The following BMP1 variants were observed in gnomAD, a reference collection of about 807,000 sequenced individuals.
BMP1 encodes bone morphogenetic protein 1.
Under a neutral mutation model 116.8 loss-of-function variants are expected in BMP1, and 63 were observed. The observed-to-expected ratio is 0.54, with a 90% confidence interval of 0.44 to 0.67. BMP1 has a LOEUF of 0.67. BMP1 is among the 30% of genes least tolerant of loss of function. BMP1 has a pLI of 0.00. For synonymous variants in BMP1, 536 were observed against 533.4 expected, an observed-to-expected ratio of 1.00 and a Z score of -0.07; for missense variants, 1,183 against 1,358.9, an observed-to-expected ratio of 0.87 and a Z score of 2.04.
chr8:22,197,174 C>T (rs2131888222), intron 14 of BMP1, 66 bp from the exon 15 acceptor site: 22 of 1,559,786 alleles, frequency 1.4e-5, no homozygotes, highest in South Asian at 3.6e-5. Flanking sequence ...GAGAGCTTCC[C>T]GAGGGCAGGA....
intron 9 of BMP1, among the ~76,000 whole-genome samples, chr8:22,193,045 G>A (rs911727789): frequency 6.6e-6 from 1 of 152,172 alleles, no homozygotes; most frequent in Non-Finnish European, 1.5e-5. Context: ...TTCCAAGATG[G>A]GAGTTTCTTT....
At chr8:22,168,867 G>A (rs1193704686) in intron 1 of BMP1, among the ~76,000 whole-genome samples, 2 of 152,164 alleles carry the variant, frequency 1.3e-5, no homozygotes, top group African/African-American at 2.4e-5. Context: ...TCCCCAGGAA[G>A]AAGGGATTCT....
Position 22,194,911 on chromosome 8 carries a change from T to C in BMP1, c.1631T>C (p.Phe544Ser). ...AACAAAGCGGGCTTTGCCGTCAACT[T>C]TTTCAAAGGTGCCTCCTCTGTTACT... ...SINKAGFAVNFFKEVDECSRP... is the reference protein window; with the variant it reads ...SINKAGFAVNSFKEVDECSRP... The change falls in exon 12 of 20, where the codon TTT becomes TCT. Residue 544 changes from phenylalanine (F) to serine (S), a missense_variant. By Grantham distance (155) the Phe-to-Ser change is radical (BLOSUM62 -2). Coordinates refer to ENST00000306385, the MANE Select transcript of BMP1 (RefSeq NM_006129.5). The surrounding 1 kb of genome is among the most constrained non-coding windows in gnomAD (Gnocchi z 4.5). 1 of 1,607,322 alleles carries C rather than the reference T, an allele frequency of 6.2e-7. No individual in the cohort carries two copies. The highest frequency in any genetic ancestry group is 1.1e-5 in the South Asian group (1 of 89,822).
chr8:22,195,617 G>A (rs1043092594), intron 13 of BMP1, 30 bp downstream of exon 13: 3 of 1,585,010 alleles, frequency 1.9e-6, no homozygotes, highest in Admixed American at 1.9e-5. Context: ...CTCTGACCCT[G>A]TTCTTTCCCT....
rs756958872 is a variant in BMP1 at position 22,194,783 on chromosome 8, G to C, written c.1503G>C (p.Glu501Asp). 2 of 1,613,852 alleles carry C rather than the reference G, an allele frequency of 1.2e-6. No homozygotes were observed. The highest frequency in any genetic ancestry group is 2.7e-5 in the African/African-American group (2 of 74,924). ...TGGAGGTGCGCGACGGGCACAGTGA[G>C]AGCAGCACCCTCATCGGGCGCTACT... The part of the protein sequence containing the change: ...DYLEVRDGHS[E>D]SSTLIGRYCG... The change falls in exon 12 of 20, where the codon GAG becomes GAC. Residue 501 changes from glutamate to aspartate, a missense_variant. Around this residue, in one of 4 missense-constraint regions of BMP1, gnomAD observed 956 missense variants for 1,135.2 expected, o/e 0.84. Coordinates refer to ENST00000306385, the MANE Select transcript of BMP1 (RefSeq NM_006129.5). This position sits in a 1 kb window ranked among gnomAD's most constrained non-coding sequence, Gnocchi z 4.5.
chr8:22,177,145 T>C lies in BMP1; in HGVS notation c.730+6T>C, dbSNP rs754163448. The C allele has an allele frequency of 3.8e-6, 6 of 1,594,058 alleles. No individual in the cohort carries two copies. In the Middle Eastern group the frequency reaches 8.4e-4, roughly 222 times the overall value. ...TCGTGAGAACATCCAGCCAGGTAGG[T>C]ACCTGCCCCTCGGTGCGGCCTTGGT... On this transcript the variant is annotated splice_donor_region_variant and intron_variant, in intron 5 of 19. Coordinates refer to ENST00000306385, the MANE Select transcript of BMP1 (RefSeq NM_006129.5).
intron 15 of BMP1, among the ~76,000 whole-genome samples, chr8:22,197,734 G>T (rs1235801209): frequency 6.6e-6 from 1 of 152,250 alleles, no homozygotes; most frequent in Non-Finnish European, 1.5e-5. Context: ...CAAGGCCTGG[G>T]AGAGGGCAGG....
intron 8 of BMP1, among the ~76,000 whole-genome samples, chr8:22,181,621 C>T (rs1828624295): frequency 6.6e-6 from 1 of 151,516 alleles, no homozygotes; most frequent in Non-Finnish European, 1.5e-5. Flanking sequence ...GGCGCGATCT[C>T]AGCTCACTGC....
intron 16 of BMP1, among the ~76,000 whole-genome samples, chr8:22,205,985 G>C (rs553845478): frequency 1.2e-4 from 19 of 152,284 alleles, no homozygotes; most frequent in African/African-American, 4.6e-4. Flanking sequence ...AGGGTAGCAG[G>C]AGTGGGGGTG....
chr8:22,189,714 G>A (rs2131873450), intron 8 of BMP1, among the ~76,000 whole-genome samples: 1 of 152,004 alleles, frequency 6.6e-6, no homozygotes, highest in African/African-American at 2.4e-5. Context: ...CGATCCTCTT[G>A]CCTCAGCCTC....
chr8:22,181,727 C>A (rs1828628403), intron 8 of BMP1, among the ~76,000 whole-genome samples: 1 of 151,904 alleles, frequency 6.6e-6, no homozygotes, highest in South Asian at 2.1e-4. Flanking sequence ...AATTTTTTTT[C>A]TATTTTTGGT....
In BMP1 at chr8:22,211,635, G is replaced by A; in HGVS notation, c.2868G>A (p.Val956=). Residue 956 remains valine, a synonymous_variant, in exon 20 of 20, where the codon GTG becomes GTA. Coordinates refer to ENST00000306385, the MANE Select transcript of BMP1 (RefSeq NM_006129.5). ...EVYSAGDSVL[V]KFHSDDTITK... ...ACTCGGCGGGAGATTCTGTCCTGGT[G>A]AAGTTCCACTCGGATGACACCATCA... The A allele has an allele frequency of 6.2e-7, 1 of 1,614,190 alleles. No homozygotes were observed. The highest frequency in any genetic ancestry group is 2.2e-5 in the East Asian group (1 of 44,880).
rs900922039 is a variant in BMP1 at position 22,179,351 on chromosome 8, G to T, written c.837-354G>T. Among the ~76,000 whole-genome samples the T allele has an allele frequency of 6.6e-6, 1 of 152,240 alleles. No homozygotes were observed. Among genetic ancestry groups the T allele is most frequent in the Admixed American group, 6.5e-5 (1 of 15,292 alleles). The stretch of plus-strand genomic sequence containing the variant: ...GCTGCAGAAGCAGGGGCCCAGTGGG[G>T]CTGGAGAGAGATGACCCGCTAGGGG... On this transcript the variant is annotated intron_variant, in intron 6 of 19. Coordinates refer to ENST00000306385, the MANE Select transcript of BMP1 (RefSeq NM_006129.5). This position sits in a 1 kb window ranked among gnomAD's most constrained non-coding sequence, Gnocchi z 4.6.
Position 22,180,487 on chromosome 8 carries a change from C to A in BMP1, c.1077+4C>A, listed in dbSNP as rs778155776. ...CTCTGTCACACCCGGGGAGAAGGTA[C>A]GTGTGGGCTCAGCCTCTGAGCCTCC... is the stretch of plus-strand genomic sequence containing the variant. On this transcript the variant is annotated splice_donor_region_variant and intron_variant, in intron 8 of 19. Coordinates refer to ENST00000306385, the MANE Select transcript of BMP1 (RefSeq NM_006129.5). 3 of 1,612,422 alleles carry A rather than the reference C, an allele frequency of 1.9e-6. No homozygotes were observed. The East Asian group carries it at 6.7e-5, about 36-fold the overall frequency.
chr8:22,198,128 T>C (rs1829144971), intron 15 of BMP1, among the ~76,000 whole-genome samples: 1 of 152,224 alleles, frequency 6.6e-6, no homozygotes, highest in African/African-American at 2.4e-5. Context: ...GAGGCTGTAG[T>C]GAACGATGAT....
intron 4 of BMP1, 79 bp from the exon 5 acceptor site, chr8:22,176,882 C>A: frequency 7.6e-7 from 1 of 1,317,026 alleles, no homozygotes; most frequent in Non-Finnish European, 1.0e-6. Context: ...CGCCCCGCCC[C>A]CGGCAGCCTG....
chr8:22,194,736 G>A lies in BMP1; in HGVS notation c.1456G>A (p.Asp486Asn), dbSNP rs762194330. Residue 486 changes from aspartate (D) to asparagine (N), a missense_variant, in exon 12 of 20, where the codon GAC becomes AAC. Around this residue, in one of 4 missense-constraint regions of BMP1, gnomAD observed 956 missense variants for 1,135.2 expected, o/e 0.84. Transcript: ENST00000306385. This position sits in a 1 kb window ranked among gnomAD's most constrained non-coding sequence, Gnocchi z 4.5. ...CCTCGACCCCTAGATTGAGCGCCAC[G>A]ACAGCTGTGCCTACGACTATCTGGA... ...TFQSFEIERHDSCAYDYLEVR... is the reference protein window; with the variant it reads ...TFQSFEIERHNSCAYDYLEVR... 3.6e-5 allele frequency: 57 copies of A among 1,605,534 alleles called. No homozygotes were observed. The highest frequency in any genetic ancestry group is 5.1e-5 in the Admixed American group (3 of 58,922).
At chr8:22,210,468 T>TCTCTCTCTCTCTCTCTCTCACACACA (rs10664439) in intron 19 of BMP1, among the ~76,000 whole-genome samples, 1 of 135,500 alleles carries the variant, frequency 7.4e-6, no homozygotes, top group Non-Finnish European at 1.5e-5. Flanking sequence ...TCTCTCTCTC[T>TCTCTCTCTCTCTCTCTCTCACACACA]CACACACATA....
At position 22,207,374 on chromosome 8, in the gene BMP1, A is replaced by G. The variant is rs751277235; in HGVS notation, c.2433A>G (p.Arg811=). The change falls in exon 18 of 20, where the codon CGA becomes CGG. Residue 811 remains arginine, a synonymous_variant. Transcript: ENST00000306385. ...AYDHLEVFDG[R]DAKAPVLGRF... ...ACCACCTAGAGGTGTTCGACGGGCG[A>G]GACGCCAAGGCCCCCGTCCTCGGCC... 1.2e-6 allele frequency: 2 copies of G among 1,614,058 alleles called. No individual in the cohort carries two copies. Among genetic ancestry groups the G allele is most frequent in the African/African-American group, 2.7e-5 (2 of 74,918 alleles).
Sources: allele counts gnomAD v4.1 joint callset (sites outside exome capture counted in the v4.1 genomes callset), GRCh38; gene constraint gnomAD v4.1.1; regional missense constraint gnomAD v4.1.1; non-coding constraint Gnocchi (gnomAD v3.1); transcripts MANE v1.5; gene names NCBI Gene and HGNC (gene_info 2026-07-23, HGNC 2026-07-21).